Variants in GSE1 observed in about 807,000 individuals in gnomAD.
GSE1 encodes the protein Gse1 coiled-coil protein, also known as genetic suppressor element 1.
In GSE1, 32 loss-of-function variants were observed where a neutral mutation model predicts 112.6. That is an observed-to-expected ratio of 0.28 (90% CI 0.21 to 0.38). The LOEUF is 0.38. GSE1 is among the 10% of genes least tolerant of loss of function. GSE1 has a pLI of 1.00. For missense variants in GSE1, 2,348 were observed against 1,699.2 expected, an observed-to-expected ratio of 1.38 and a Z score of -6.71; for synonymous variants, 1,115 against 735.6, an observed-to-expected ratio of 1.52 and a Z score of -8.35.
At position 85,478,927 on chromosome 16, in the gene GSE1, C is replaced by CTTTTCTTTCTTTCTT. The variant is rs1285190496; in HGVS notation, c.2464+121285_2464+121286insTTTCTTTCTTTCTTT. On this transcript the variant is annotated intron_variant, in intron 2 of 2. Coordinates refer to the GSE1 transcript ENST00000637419. Reference sequence around the variant, plus strand: ...TCTTTCTTTCTTTCTTTCTTTCTTTCTCTTTCTTTCTTTCTTTCTTTTTTT... The same window carrying CTTTTCTTTCTTTCTT: ...TCTTTCTTTCTTTCTTTCTTTCTTTCTTTTCTTTCTTTCTTTCTTTCTTTCTTTCTTTCTTTTTTT... 6.8e-4 allele frequency among the ~76,000 whole-genome samples: 19 copies of CTTTTCTTTCTTTCTT among 28,060 alleles called. 2 individuals are homozygous for CTTTTCTTTCTTTCTT. Among genetic ancestry groups the CTTTTCTTTCTTTCTT allele is most frequent in the African/African-American group, 2.6e-3 (17 of 6,534 alleles). 18.4% of individuals were successfully genotyped at this position (28,060 alleles called of 152,430 possible). A position where few individuals can be genotyped will look rare whatever the true frequency, so the allele number is the denominator to read the frequency against.
At chr16:85,556,248 CT>C in exon 1 of GSE1, 10 of 984,428 alleles carry the variant, frequency 1.0e-5, no homozygotes, top group Non-Finnish European at 1.2e-5. Flanking sequence ...TTGAACGGTG[CT>C]TTTTGTTCAT....
intron 1 of GSE1, among the ~76,000 whole-genome samples, chr16:85,575,033 TCC>T (rs1417604366): frequency 6.9e-6 from 1 of 145,184 alleles, no homozygotes; most frequent in African/African-American, 2.5e-5. Flanking sequence ...GGGGAGCGGC[TCC>T]CCGCTCCCCC....
At chr16:85,575,905 T>A (rs930888872) in intron 1 of GSE1, among the ~76,000 whole-genome samples, 1 of 150,360 alleles carries the variant, frequency 6.7e-6, no homozygotes, top group South Asian at 2.1e-4. Flanking sequence ...CGTTTCTGTT[T>A]TTTTTTTTTT....
At chr16:85,611,550 C>A (rs929174035), upstream of GSE1, 28 of 853,368 alleles carry the variant, frequency 3.3e-5, no homozygotes, top group Non-Finnish European at 3.8e-5. Context: ...CAGTAACGGC[C>A]CGACCCGGCC....
intron 1 of GSE1, among the ~76,000 whole-genome samples, chr16:85,616,085 A>G (rs556569559): frequency 4.6e-4 from 70 of 152,360 alleles, no homozygotes; most frequent in South Asian, 2.1e-3. Flanking sequence ...CTGTGGGCTC[A>G]GCATCGCCGG....
chr16:85,495,813 T>G (rs1015272844), intron 2 of GSE1, among the ~76,000 whole-genome samples: 13 of 152,186 alleles, frequency 8.5e-5, no homozygotes, highest in Non-Finnish European at 1.5e-5. Flanking sequence ...GGGGACATTT[T>G]AAACCCCTGC....
At chr16:85,351,765 G>A (rs935026289) in intron 1 of GSE1, among the ~76,000 whole-genome samples, 4 of 152,288 alleles carry the variant, frequency 2.6e-5, no homozygotes, top group East Asian at 1.9e-4. Context: ...CGAGGCAGGC[G>A]GATCACCTGA....
chr16:85,177,178 G>A (rs1050755519), intron 1 of GSE1, among the ~76,000 whole-genome samples: 1 of 152,376 alleles, frequency 6.6e-6, no homozygotes, highest in Middle Eastern at 3.4e-3. Context: ...GGAAGCAGGA[G>A]GGGGAAGGGG....
intron 2 of GSE1, among the ~76,000 whole-genome samples, chr16:85,534,231 C>G (rs1483150933): frequency 1.3e-5 from 2 of 151,880 alleles, no homozygotes; most frequent in Non-Finnish European, 2.9e-5. Flanking sequence ...AAGCAATCCT[C>G]CCACCTCAGC....
At chr16:85,418,036 A>G (rs1215091559) in intron 2 of GSE1, among the ~76,000 whole-genome samples, 1 of 152,068 alleles carries the variant, frequency 6.6e-6, no homozygotes, top group Non-Finnish European at 1.5e-5. Context: ...ATGGGGTTTC[A>G]CCATCTTGAC....
chr16:85,321,224 T>C (rs576095679), intron 1 of GSE1, among the ~76,000 whole-genome samples: 1 of 152,226 alleles, frequency 6.6e-6, no homozygotes, highest in East Asian at 1.9e-4. Context: ...GAGTGAATGC[T>C]CGTGTAGCTC....
intron 2 of GSE1, among the ~76,000 whole-genome samples, chr16:85,501,408 T>TTA (rs2051362202): frequency 6.8e-6 from 1 of 147,390 alleles, no homozygotes; most frequent in African/African-American, 2.5e-5. Flanking sequence ...TTTTTTTTTT[T>TTA]AGGGGATGGA....
chr16:85,284,150 A>G (rs1458742980), intron 1 of GSE1, among the ~76,000 whole-genome samples: 1 of 152,162 alleles, frequency 6.6e-6, no homozygotes, highest in Non-Finnish European at 1.5e-5. Flanking sequence ...CCCCCGGCCC[A>G]GGAGAAGGCC....
rs371766251 is a variant in GSE1, at chr16:85,464,527, C to T, written c.2464+106884C>T. Among the ~76,000 whole-genome samples the T allele has an allele frequency of 2.6e-4, 39 of 152,360 alleles. 1 individual carries two copies. The Middle Eastern group carries it at 0.01, about 40-fold the overall frequency. ...CTCGGCAGCCCCCAGACGGCCTCACCAGCTGTGTGACCTTGGCCTGGTCAT... is the reference window on the plus strand; with the variant it reads ...CTCGGCAGCCCCCAGACGGCCTCACTAGCTGTGTGACCTTGGCCTGGTCAT... On this transcript the variant is annotated intron_variant, in intron 2 of 2. Transcript: ENST00000637419.
chr16:85,611,565 C>T, upstream of GSE1: 7 of 767,702 alleles, frequency 9.1e-6, no homozygotes, highest in Non-Finnish European at 1.1e-5. Context: ...CCGGCCTCGC[C>T]GGTCCGTTTC....
At chr16:85,232,988 A>C (rs1159070539) in intron 1 of GSE1, among the ~76,000 whole-genome samples, 2 of 152,260 alleles carry the variant, frequency 1.3e-5, no homozygotes, top group African/African-American at 4.8e-5. Context: ...CAAGGTGGGC[A>C]GCTGAGGTCA....
chr16:85,637,644 G>T (rs1164399961), intron 2 of GSE1, among the ~76,000 whole-genome samples: 2 of 152,260 alleles, frequency 1.3e-5, no homozygotes, highest in South Asian at 4.1e-4. Context: ...TGAGCCTCCG[G>T]CTTGCCCGGG....
chr16:85,650,751 G>C (rs1361588925), intron 3 of GSE1, among the ~76,000 whole-genome samples: 2 of 152,148 alleles, frequency 1.3e-5, no homozygotes, highest in African/African-American at 2.4e-5. Flanking sequence ...GCTCAGCGGG[G>C]CATTTAATCC....
chr16:85,403,897 G>A (rs1216047557), intron 2 of GSE1, among the ~76,000 whole-genome samples: 1 of 152,184 alleles, frequency 6.6e-6, no homozygotes, highest in Non-Finnish European at 1.5e-5. Context: ...ACCCCCTTCA[G>A]AGGCTGCTGG....
Sources: gnomAD v4.1 joint callset for allele counts (sites outside exome capture counted in the v4.1 genomes callset) on GRCh38, gnomAD v4.1.1 for gene constraint, MANE v1.5 for transcripts, NCBI Gene and HGNC (gene_info 2026-07-23, HGNC 2026-07-21) for gene names.